The following KLHL3 variants were observed in gnomAD, a reference collection of about 807,000 sequenced individuals.
The protein encoded by KLHL3 is kelch-like protein 3.
KLHL3 carries 19 observed loss-of-function variants against 70.5 expected under a neutral mutation model. The observed-to-expected ratio is 0.27, with a 90% CI of 0.19 to 0.40. The LOEUF is 0.40. KLHL3 is among the 10% of genes least tolerant of loss of function. The pLI, the probability that KLHL3 is intolerant of heterozygous loss-of-function variation, is 1.00. For missense variants in KLHL3, 512 were observed against 771.1 expected (o/e 0.66, Z 3.98); for synonymous variants, 258 against 290.3 (o/e 0.89, Z 1.13).
At chr5:137,709,930 T>C in intron 2 of KLHL3, 74 bp from the exon 3 acceptor site, 10 of 1,185,954 alleles carry the variant, frequency 8.4e-6, no homozygotes, top group Non-Finnish European at 1.1e-5. Flanking sequence ...GGGTATTTTT[T>C]TCTCCCACCC....
At chr5:137,727,724 A>C (rs369329390) in intron 1 of KLHL3, among the ~76,000 whole-genome samples, 1 of 152,112 alleles carries the variant, frequency 6.6e-6, no homozygotes, top group South Asian at 2.1e-4. Context: ...ATTAGTTAAA[A>C]TCTAGTGGGA....
chr5:137,700,246 G>A (rs891652861), intron 3 of KLHL3, among the ~76,000 whole-genome samples: 1 of 152,344 alleles, frequency 6.6e-6, no homozygotes, highest in Non-Finnish European at 1.5e-5. Flanking sequence ...AAGGAAATCA[G>A]AAGTTAAGCT....
At chr5:137,709,902 C>A (rs1208254720) in intron 2 of KLHL3, 46 bp from the exon 3 acceptor site, 2 of 1,439,908 alleles carry the variant, frequency 1.4e-6, no homozygotes, top group Non-Finnish European at 2.0e-6. Context: ...AGCAAGGACA[C>A]CTACCCTCAT....
intron 2 of KLHL3, among the ~76,000 whole-genome samples, chr5:137,717,658 C>A (rs1752920239): frequency 6.6e-6 from 1 of 152,098 alleles, no homozygotes; most frequent in African/African-American, 2.4e-5. Flanking sequence ...GGTATACTGT[C>A]CAAAGTATTA....
chr5:137,691,922 C>G (rs574755939), intron 5 of KLHL3, among the ~76,000 whole-genome samples: 3 of 152,014 alleles, frequency 2.0e-5, no homozygotes, highest in African/African-American at 4.8e-5. Flanking sequence ...CCAGCCAGTA[C>G]GTGACTTTTA....
chr5:137,699,066 T>C (rs1362096393), intron 3 of KLHL3, among the ~76,000 whole-genome samples: 3 of 152,080 alleles, frequency 2.0e-5, no homozygotes, highest in African/African-American at 4.8e-5. Context: ...AGTCTGACTC[T>C]AGAGTCCATA....
intron 13 of KLHL3, 60 bp from the exon 14 acceptor site, chr5:137,625,956 T>C (rs766351261): frequency 1.3e-4 from 204 of 1,602,280 alleles, no homozygotes; most frequent in Non-Finnish European, 1.6e-4. Context: ...AGATCAGAAT[T>C]GATCAAGAGA....
chr5:137,672,547 T>C (rs1751786891), intron 6 of KLHL3: 1 of 152,224 alleles, frequency 6.6e-6, no homozygotes, highest in East Asian at 1.9e-4. Context: ...AATTTCTTCC[T>C]GACCGGTATC....
At chr5:137,661,285 G>C (rs1323341748) in intron 7 of KLHL3, 2 of 152,160 alleles carry the variant, frequency 1.3e-5, no homozygotes, top group African/African-American at 4.8e-5. Flanking sequence ...GTAAAAAAAG[G>C]AGTTACAATC....
chr5:137,661,076 A>T (rs1561595343), intron 7 of KLHL3: 1 of 152,204 alleles, frequency 6.6e-6, no homozygotes, highest in Non-Finnish European at 1.5e-5. Flanking sequence ...CTCTGCTTAT[A>T]AAAGTGTCTA....
chr5:137,708,144 G>A (rs1752720856), intron 3 of KLHL3, among the ~76,000 whole-genome samples: 2 of 152,194 alleles, frequency 1.3e-5, no homozygotes, highest in African/African-American at 4.8e-5. Flanking sequence ...GGGCTACAGT[G>A]TGAAATTCCT....
intron 3 of KLHL3, among the ~76,000 whole-genome samples, chr5:137,703,312 A>G (rs1477853062): frequency 2.0e-5 from 3 of 152,238 alleles, no homozygotes; most frequent in African/African-American, 7.2e-5. Context: ...ATGATTCTTC[A>G]TGGGCACTAA....
intron 8 of KLHL3, among the ~76,000 whole-genome samples, chr5:137,641,319 G>A (rs1278821195): frequency 2.0e-5 from 3 of 152,124 alleles, no homozygotes; most frequent in Admixed American, 2.0e-4. Flanking sequence ...ATCACCTAGA[G>A]GACTTGTGAA....
chr5:137,660,071 G>A (rs1307683196), intron 7 of KLHL3, among the ~76,000 whole-genome samples: 1 of 152,170 alleles, frequency 6.6e-6, no homozygotes, highest in Non-Finnish European at 1.5e-5. Flanking sequence ...TCAAATGAAT[G>A]TAATGAAACA....
chr5:137,647,345 T>C (rs1751075016), intron 8 of KLHL3, among the ~76,000 whole-genome samples: 1 of 152,154 alleles, frequency 6.6e-6, no homozygotes. Context: ...TGAGAGCCAT[T>C]AGGTGCCAGG....
At chr5:137,728,678 A>G (rs990946147) in intron 1 of KLHL3, among the ~76,000 whole-genome samples, 4 of 152,146 alleles carry the variant, frequency 2.6e-5, no homozygotes, top group African/African-American at 9.7e-5. Flanking sequence ...AAAGGATACT[A>G]AAAAACATGC....
intron 8 of KLHL3, among the ~76,000 whole-genome samples, chr5:137,640,889 GATAAGA>G (rs143625261): frequency 0.037 from 5,601 of 152,216 alleles, 224 homozygotes; most frequent in Admixed American, 0.12. Context: ...CAGAAAATAT[GATAAGA>G]ATATTATTTC....
At chr5:137,647,032 C>A (rs896254079) in intron 8 of KLHL3, among the ~76,000 whole-genome samples, 3 of 152,152 alleles carry the variant, frequency 2.0e-5, no homozygotes, top group Admixed American at 6.5e-5. Context: ...AATGGAGGTT[C>A]TCTGGTTGAC....
chr5:137,696,901 CTCAGGG>C (rs1752458403), intron 4 of KLHL3, among the ~76,000 whole-genome samples: 1 of 152,154 alleles, frequency 6.6e-6, no homozygotes, highest in African/African-American at 2.4e-5. Context: ...GGAACAGGAA[CTCAGGG>C]TCCCTCCAAG....
Sources: gnomAD v4.1 joint callset for allele counts (sites outside exome capture counted in the v4.1 genomes callset) on GRCh38, gnomAD v4.1.1 for gene constraint, MANE v1.5 for transcripts, NCBI Gene and HGNC (gene_info 2026-07-23, HGNC 2026-07-21) for gene names.